LRRC4C: variants seen among roughly 807,000 people sequenced by gnomAD.
The protein encoded by LRRC4C is leucine rich repeat containing 4C, also known as leucine-rich repeat-containing protein 4C.
A neutral mutation model predicts 33.6 loss-of-function variants in LRRC4C; 5 were observed. The ratio of observed to expected loss-of-function variants is 0.15; its 90% confidence interval spans 0.08 to 0.31. LRRC4C has a LOEUF of 0.31. Ranked by LOEUF, LRRC4C falls within the 10% of genes least tolerant of loss-of-function variation. The pLI is 1.00. For synonymous variants in LRRC4C, 329 were observed against 302.0 expected (o/e 1.09, Z -0.93); for missense variants, 560 against 796.7 (o/e 0.70, Z 3.58).
At chr11:41,098,620 C>A (rs1486862138) in intron 1 of LRRC4C, among the ~76,000 whole-genome samples, 1 of 152,102 alleles carries the variant, frequency 6.6e-6, no homozygotes, top group African/African-American at 2.4e-5. Flanking sequence ...CATTTTAAAT[C>A]TTTGCTTGTA....
chr11:40,601,803 A>T (rs1330453322), intron 3 of LRRC4C, among the ~76,000 whole-genome samples: 1 of 152,216 alleles, frequency 6.6e-6, no homozygotes, highest in Non-Finnish European at 1.5e-5. Context: ...TTACTTTAAC[A>T]ATAAATTAAA....
intron 2 of LRRC4C, among the ~76,000 whole-genome samples, chr11:40,819,056 A>G (rs1251179676): frequency 6.6e-6 from 1 of 152,146 alleles, no homozygotes; most frequent in Admixed American, 6.6e-5. Context: ...GAAACTTTTA[A>G]AGAAAATCTG....
intron 1 of LRRC4C, among the ~76,000 whole-genome samples, chr11:41,078,859 A>G (rs10837565): frequency 0.1 from 15,359 of 152,010 alleles, 823 homozygotes; most frequent in South Asian, 0.17. Flanking sequence ...AAATCTGTGA[A>G]TTTTTCGCCA....
At chr11:40,435,215 C>T (rs1243893896) in intron 3 of LRRC4C, among the ~76,000 whole-genome samples, 2 of 152,200 alleles carry the variant, frequency 1.3e-5, no homozygotes, top group Non-Finnish European at 2.9e-5. Flanking sequence ...AGCCAACCAG[C>T]AGCATATGCT....
rs563377221 is a variant in LRRC4C at position 40,754,800 on chromosome 11, C to T, written c.-406-106522G>A. Among the ~76,000 whole-genome samples the T allele has an allele frequency of 2.1e-4, 32 of 151,664 alleles. No individual in the cohort carries two copies. In the South Asian group the frequency reaches 6.4e-3, roughly 31 times the overall value. On this transcript the variant is annotated intron_variant, in intron 2 of 6. Coordinates refer to ENST00000528697, the MANE Select transcript of LRRC4C (RefSeq NM_001258419.2). ...TTTACTAAGTTAGCTAATGGTTTAT[C>T]ATGCTCACATTTTTTCCCCAAAAGA...
chr11:41,071,481 C>T (rs1938678774), intron 1 of LRRC4C, among the ~76,000 whole-genome samples: 1 of 152,092 alleles, frequency 6.6e-6, no homozygotes. Context: ...ATTATGCGAA[C>T]TCTGCTCTTT....
chr11:41,236,233 A>G (rs1483711199), intron 1 of LRRC4C, among the ~76,000 whole-genome samples: 1 of 152,132 alleles, frequency 6.6e-6, no homozygotes, highest in Non-Finnish European at 1.5e-5. Flanking sequence ...AGAATGTCAG[A>G]GCAAAAAGAA....
intron 1 of LRRC4C, among the ~76,000 whole-genome samples, chr11:41,106,254 T>C (rs1390505721): frequency 6.6e-6 from 1 of 151,996 alleles, no homozygotes; most frequent in Non-Finnish European, 1.5e-5. Context: ...CATTTGTGTG[T>C]GTGTGTGTGT....
intron 5 of LRRC4C, among the ~76,000 whole-genome samples, chr11:40,168,971 TCTTTA>T (rs763397938): frequency 7.9e-5 from 12 of 152,288 alleles, no homozygotes; most frequent in Admixed American, 2.6e-4. Flanking sequence ...CATGTCCCAG[TCTTTA>T]CTTTAGTTTT....
intron 1 of LRRC4C, among the ~76,000 whole-genome samples, chr11:41,279,952 T>C (rs1241848766): frequency 6.6e-6 from 1 of 152,054 alleles, no homozygotes; most frequent in Non-Finnish European, 1.5e-5. Flanking sequence ...AGAAGGCTCA[T>C]TATTTTCCTG....
intron 1 of LRRC4C, among the ~76,000 whole-genome samples, chr11:41,271,982 G>C (rs1949335444): frequency 6.6e-6 from 1 of 152,042 alleles, no homozygotes; most frequent in Middle Eastern, 3.2e-3. Flanking sequence ...GTGATACAAA[G>C]AGGCTAAATG....
intron 3 of LRRC4C, among the ~76,000 whole-genome samples, chr11:40,473,448 A>T (rs541431766): frequency 6.6e-6 from 1 of 152,268 alleles, no homozygotes; most frequent in South Asian, 2.1e-4. Context: ...GAGGGGACAT[A>T]TCTTAAAATA....
chr11:40,800,702 T>C (rs562138700), intron 2 of LRRC4C, among the ~76,000 whole-genome samples: 2 of 152,256 alleles, frequency 1.3e-5, no homozygotes, highest in East Asian at 1.9e-4. Flanking sequence ...TATACCACAC[T>C]GAATGCCACT....
chr11:40,497,387 A>G (rs1003074412), intron 3 of LRRC4C, among the ~76,000 whole-genome samples: 1 of 151,944 alleles, frequency 6.6e-6, no homozygotes, highest in African/African-American at 2.4e-5. Context: ...CTGGGCAACA[A>G]AAGTAAAATT....
intron 1 of LRRC4C, among the ~76,000 whole-genome samples, chr11:41,191,884 A>G (rs984077015): frequency 6.6e-6 from 1 of 152,180 alleles, no homozygotes; most frequent in Non-Finnish European, 1.5e-5. Context: ...CTAAGCAGCT[A>G]TGGTACCACC....
intron 1 of LRRC4C, among the ~76,000 whole-genome samples, chr11:40,966,934 A>ACT (rs145636897): frequency 0.016 from 2,404 of 152,162 alleles, 65 homozygotes; most frequent in African/African-American, 0.055. Context: ...TAGTAAAAGA[A>ACT]AAACATGTTC....
chr11:40,987,663 TGAG>T (rs373787717), intron 1 of LRRC4C, among the ~76,000 whole-genome samples: 20,182 of 77,260 alleles, frequency 0.26, 2,891 homozygotes, highest in East Asian at 0.3. Flanking sequence ...CTCATATATA[TGAG>T]ATATAAATGA....
At chr11:40,421,261 C>A (rs1382702273) in intron 3 of LRRC4C, among the ~76,000 whole-genome samples, 1 of 152,174 alleles carries the variant, frequency 6.6e-6, no homozygotes, top group African/African-American at 2.4e-5. Context: ...CTAGAAATAG[C>A]TTTCTCTCCA....
chr11:41,386,923 A>G (rs942018133), intron 1 of LRRC4C, among the ~76,000 whole-genome samples: 8 of 151,812 alleles, frequency 5.3e-5, no homozygotes, highest in African/African-American at 1.7e-4. Context: ...ATAAGAGCTC[A>G]GGAGCTAATA....
Sources: gnomAD v4.1 joint callset for allele counts (sites outside exome capture counted in the v4.1 genomes callset) on GRCh38, gnomAD v4.1.1 for gene constraint, MANE v1.5 for transcripts, NCBI Gene and HGNC (gene_info 2026-07-23, HGNC 2026-07-21) for gene names.